The following PITPNC1 variants were observed in gnomAD, a reference collection of about 807,000 sequenced individuals.
PITPNC1 encodes the protein phosphatidylinositol transfer protein cytoplasmic 1.
A neutral mutation model predicts 44.7 loss-of-function variants in PITPNC1; 18 were observed. The ratio of observed to expected loss-of-function variants is 0.40; its 90% confidence interval spans 0.28 to 0.60. The LOEUF (loss-of-function observed/expected upper bound fraction) is 0.60, where lower values mean the gene tolerates loss of function less well. Ranked by LOEUF, PITPNC1 falls within the 20% of genes least tolerant of loss-of-function variation. The pLI, the probability that PITPNC1 is intolerant of heterozygous loss-of-function variation, is 0.39. For missense variants in PITPNC1, 290 were observed against 418.4 expected (o/e 0.69, Z 2.68); for synonymous variants, 141 against 149.6 (o/e 0.94, Z 0.42).
At chr17:67,470,132 A>AG (rs2143998542) in intron 1 of PITPNC1, among the ~76,000 whole-genome samples, 1 of 152,250 alleles carries the variant, frequency 6.6e-6, no homozygotes, top group Admixed American at 6.5e-5. Context: ...CATGTCGGCC[A>AG]GGCTGTTTTC....
chr17:67,518,635 G>T (rs1469489353), intron 1 of PITPNC1, among the ~76,000 whole-genome samples: 1 of 151,774 alleles, frequency 6.6e-6, no homozygotes, highest in Non-Finnish European at 1.5e-5. Context: ...TAGGATGGTG[G>T]TTATCAAAAA....
chr17:67,456,658 T>G lies in PITPNC1; in HGVS notation c.49-76144T>G, dbSNP rs190268985. Reference sequence around the variant, plus strand: ...GTTTTTTTCTTATTTAGTGTTTTAATTTCTCCTTTTTTGGTATTTTATTGT... The same window carrying G: ...GTTTTTTTCTTATTTAGTGTTTTAAGTTCTCCTTTTTTGGTATTTTATTGT... On this transcript the variant is annotated intron_variant, in intron 1 of 8. Coordinates refer to ENST00000581322, the MANE Select transcript of PITPNC1 (RefSeq NM_012417.4). Among the ~76,000 whole-genome samples the G allele has an allele frequency of 2.0e-4, 31 of 152,256 alleles. No individual in the cohort carries two copies. The East Asian group carries it at 5.4e-3, about 26-fold the overall frequency.
intron 1 of PITPNC1, among the ~76,000 whole-genome samples, chr17:67,513,667 T>C (rs959275613): frequency 6.6e-6 from 1 of 151,664 alleles, no homozygotes; most frequent in African/African-American, 2.4e-5. Flanking sequence ...GGAAGGGGGC[T>C]TCCCAGTGCA....
intron 4 of PITPNC1, among the ~76,000 whole-genome samples, chr17:67,562,546 T>A (rs2040919315): frequency 6.6e-6 from 1 of 152,212 alleles, no homozygotes; most frequent in Non-Finnish European, 1.5e-5. Flanking sequence ...CTACTTTTTT[T>A]TTCCCCACTT....
At chr17:67,564,770 G>A (rs2144198210) in intron 4 of PITPNC1, among the ~76,000 whole-genome samples, 1 of 152,224 alleles carries the variant, frequency 6.6e-6, no homozygotes, top group South Asian at 2.1e-4. Context: ...TGCCATTGAT[G>A]TATTCACTCA....
chr17:67,610,578 A>G (rs112439016), intron 5 of PITPNC1, among the ~76,000 whole-genome samples: 8 of 152,292 alleles, frequency 5.3e-5, no homozygotes, highest in African/African-American at 1.7e-4. Context: ...CCTTGAGGTC[A>G]GGAGTTAAAG....
intron 5 of PITPNC1, among the ~76,000 whole-genome samples, chr17:67,605,024 A>G (rs953239963): frequency 1.3e-5 from 2 of 151,758 alleles, no homozygotes; most frequent in African/African-American, 4.8e-5. Context: ...GGTTGCAGTG[A>G]GCCGAAATCG....
chr17:67,527,742 C>T (rs1050239838), intron 1 of PITPNC1, among the ~76,000 whole-genome samples: 6 of 149,570 alleles, frequency 4.0e-5, no homozygotes, highest in Admixed American at 2.0e-4. Flanking sequence ...CAGTGGCTCA[C>T]GCCTGTAATC....
At chr17:67,526,500 G>A (rs1330574412) in intron 1 of PITPNC1, among the ~76,000 whole-genome samples, 2 of 152,004 alleles carry the variant, frequency 1.3e-5, no homozygotes, top group Non-Finnish European at 2.9e-5. Context: ...AGGCTGAGGC[G>A]GGAGGATCAC....
At chr17:67,623,594 G>A (rs2041860658) in intron 5 of PITPNC1, among the ~76,000 whole-genome samples, 1 of 152,168 alleles carries the variant, frequency 6.6e-6, no homozygotes, top group African/African-American at 2.4e-5. Flanking sequence ...ATGTTGACCA[G>A]GCTGGTCTGG....
chr17:67,556,887 TA>T (rs1193342033), intron 4 of PITPNC1, among the ~76,000 whole-genome samples: 17 of 152,044 alleles, frequency 1.1e-4, no homozygotes, highest in African/African-American at 4.1e-4. Context: ...GTGTTGCATG[TA>T]AGTGTTAGAG....
At chr17:67,670,080 T>A (rs1298638184) in intron 7 of PITPNC1, among the ~76,000 whole-genome samples, 2 of 151,658 alleles carry the variant, frequency 1.3e-5, no homozygotes, top group Non-Finnish European at 2.9e-5. Flanking sequence ...TCTCAAAAAA[T>A]AAGAAATAAA....
At chr17:67,627,441 T>C (rs1029091641) in intron 5 of PITPNC1, among the ~76,000 whole-genome samples, 1 of 152,216 alleles carries the variant, frequency 6.6e-6, no homozygotes, top group African/African-American at 2.4e-5. Context: ...AGGCACGCTG[T>C]TAATGAAGGA....
At chr17:67,629,238 C>CCGTGTGTGTGTGTGTG (rs373939286) in intron 5 of PITPNC1, among the ~76,000 whole-genome samples, 1 of 131,230 alleles carries the variant, frequency 7.6e-6, no homozygotes, top group Non-Finnish European at 1.6e-5. Context: ...CTGGGGTATT[C>CCGTGTGTGTGTGTGTG]TGTGTGTGTG....
chr17:67,605,103 C>A (rs2144281068), intron 5 of PITPNC1, among the ~76,000 whole-genome samples: 1 of 152,164 alleles, frequency 6.6e-6, no homozygotes, highest in African/African-American at 2.4e-5. Flanking sequence ...TAAAACAAAA[C>A]AATAAAATAA....
At chr17:67,624,007 C>G (rs1158509270) in intron 5 of PITPNC1, among the ~76,000 whole-genome samples, 1 of 152,028 alleles carries the variant, frequency 6.6e-6, no homozygotes, top group South Asian at 2.1e-4. Context: ...TGTACCTGTC[C>G]CTACTCAATT....
chr17:67,561,805 A>G (rs537168235), intron 4 of PITPNC1, among the ~76,000 whole-genome samples: 30 of 152,312 alleles, frequency 2.0e-4, no homozygotes, highest in African/African-American at 7.2e-4. Context: ...TATGTTGCCC[A>G]GGCTAATTTT....
chr17:67,631,783 A>G (rs1567749932), intron 5 of PITPNC1, among the ~76,000 whole-genome samples: 1 of 147,804 alleles, frequency 6.8e-6, no homozygotes, highest in African/African-American at 2.5e-5. Context: ...ACCCTTTCCA[A>G]CCTCTTTACT....
chr17:67,563,120 G>A (rs1170072293), intron 4 of PITPNC1, among the ~76,000 whole-genome samples: 1 of 152,170 alleles, frequency 6.6e-6, no homozygotes, highest in Non-Finnish European at 1.5e-5. Flanking sequence ...GGTGAACAGA[G>A]GAAACACTTG....
Sources: allele counts gnomAD v4.1 joint callset (sites outside exome capture counted in the v4.1 genomes callset), GRCh38; gene constraint gnomAD v4.1.1; transcripts MANE v1.5; gene names NCBI Gene and HGNC (gene_info 2026-07-23, HGNC 2026-07-21).